The following SPTBN1 variants were observed in gnomAD, a reference collection of about 807,000 sequenced individuals.
SPTBN1 encodes spectrin beta chain, non-erythrocytic 1.
A neutral mutation model predicts 266.4 loss-of-function variants in SPTBN1; 32 were observed. The ratio of observed to expected loss-of-function variants is 0.12; its 90% CI spans 0.09 to 0.16. The LOEUF (loss-of-function observed/expected upper bound fraction) is 0.16, where lower values mean the gene tolerates loss of function less well. SPTBN1 is among the 10% of genes least tolerant of loss of function. The probability of loss-of-function intolerance (pLI) is 1.00; values close to 1 mark genes in which losing one functional copy is unlikely to be tolerated. For synonymous variants in SPTBN1, 1,336 were observed against 1,162.2 expected (o/e 1.15, Z -3.04); for missense variants, 2,296 against 3,067.1 (o/e 0.75, Z 5.94).
intron 1 of SPTBN1, among the ~76,000 whole-genome samples, chr2:54,496,716 C>T (rs1668990011): frequency 6.6e-6 from 1 of 152,156 alleles, no homozygotes; most frequent in African/African-American, 2.4e-5. Flanking sequence ...AACAAGCTAT[C>T]ACTTTGGAGA....
chr2:54,571,622 C>T (rs1439189200), intron 2 of SPTBN1, among the ~76,000 whole-genome samples: 8 of 151,538 alleles, frequency 5.3e-5, no homozygotes, highest in Non-Finnish European at 1.2e-4. Flanking sequence ...TAAAGGGCTT[C>T]TGGAAGCTGG....
chr2:54,574,249 G>A (rs1674300969), intron 2 of SPTBN1, among the ~76,000 whole-genome samples: 1 of 152,164 alleles, frequency 6.6e-6, no homozygotes, highest in Non-Finnish European at 1.5e-5. Flanking sequence ...TACAGATGAG[G>A]AAAGCAAGGC....
In SPTBN1 at chr2:54,538,897, C is replaced by G. The variant is rs573933450; in HGVS notation, c.148+12331C>G. On this transcript the variant is annotated intron_variant, in intron 2 of 35. Transcript: ENST00000356805. ...GCCATTTGCGGGTTCTCAGCCCTTC[C>G]CTGTGTTACATGTTTACCTATTGGT... Among the ~76,000 whole-genome samples, 48 of 152,290 alleles carry G rather than the reference C, an allele frequency of 3.2e-4. 1 individual carries two copies. The highest frequency in any genetic ancestry group is 1.0e-3 in the African/African-American group (43 of 41,562).
Position 54,631,059 on chromosome 2 carries a change from C to T in SPTBN1, c.3012C>T (p.Asp1004=), listed in dbSNP as rs1678698593. The T allele has an allele frequency of 6.2e-7, 1 of 1,614,020 alleles. No homozygotes were observed. The highest frequency in any genetic ancestry group is 1.3e-5 in the African/African-American group (1 of 75,076). The change falls in exon 16 of 36, where the codon GAC becomes GAT. Residue 1004 remains aspartate, a synonymous_variant. Coordinates refer to ENST00000356805, the MANE Select transcript of SPTBN1 (RefSeq NM_003128.3). ...LQRKLTGMER[D]LVAIEAKLSD... ...GCAAGCTGACCGGCATGGAGCGGGA[C>T]TTGGTGGCCATTGAGGCAAAGCTGA...
chr2:54,561,984 A>ACCAACAC (rs931420169), intron 2 of SPTBN1, among the ~76,000 whole-genome samples: 1 of 151,788 alleles, frequency 6.6e-6, no homozygotes, highest in Non-Finnish European at 1.5e-5. Context: ...AGCATTCACC[A>ACCAACAC]CCAACACCCA....
Position 54,668,706 on chromosome 2 carries a change from G to A in SPTBN1, c.*137G>A. On this transcript the variant is annotated 3_prime_UTR_variant, in exon 36 of 36. Coordinates refer to ENST00000356805, the MANE Select transcript of SPTBN1 (RefSeq NM_003128.3). ...TTTTTTTTTTTTTTTAATTTATAGA[G>A]CATTTCGGGGGGGGTGGGGGAAACA... is the stretch of plus-strand genomic sequence containing the variant. 1 of 470,482 alleles carries A rather than the reference G, an allele frequency of 2.1e-6. No homozygotes were observed. The highest frequency in any genetic ancestry group is 3.5e-6 in the Non-Finnish European group (1 of 284,076). 29.1% of individuals were successfully genotyped at this position (470,482 alleles called of 1,614,324 possible). A position where few individuals can be genotyped will look rare whatever the true frequency, so the allele number is the denominator to read the frequency against.
At chr2:54,473,507 T>TG (rs1483065988) in intron 1 of SPTBN1, among the ~76,000 whole-genome samples, 5 of 144,436 alleles carry the variant, frequency 3.5e-5, no homozygotes, top group South Asian at 4.4e-4. Context: ...AGTTTTGTTT[T>TG]TTTTTTAAGC....
At chr2:54,564,414 G>A (rs1029657049) in intron 2 of SPTBN1, among the ~76,000 whole-genome samples, 6 of 152,194 alleles carry the variant, frequency 3.9e-5, no homozygotes, top group East Asian at 3.9e-4. Context: ...CTGCTGCTTC[G>A]TCTGCTTTAG....
intron 17 of SPTBN1, among the ~76,000 whole-genome samples, chr2:54,634,479 C>T (rs1036867513): frequency 1.3e-5 from 2 of 152,162 alleles, no homozygotes; most frequent in Non-Finnish European, 2.9e-5. Context: ...AAGGAGGGAG[C>T]TTTCCGATGA....
At chr2:54,522,697 G>GGAGAGAGAGAGAGAGAGAA (rs1670542924) in intron 1 of SPTBN1, among the ~76,000 whole-genome samples, 1 of 97,270 alleles carries the variant, frequency 1.0e-5, no homozygotes, top group African/African-American at 4.1e-5. Flanking sequence ...GAGAGAGAGA[G>GGAGAGAGAGAGAGAGAGAA]AGAAAGAAAG....
chr2:54,459,132 ACT>A (rs1693226107), intron 1 of SPTBN1, among the ~76,000 whole-genome samples: 1 of 152,190 alleles, frequency 6.6e-6, no homozygotes, highest in Admixed American at 6.5e-5. Flanking sequence ...AGCTGTTCTG[ACT>A]TACACAGCAG....
rs1352934005 is a variant in SPTBN1, at chr2:54,566,436, C to CG, written c.149-32656_149-32655insG. Among the ~76,000 whole-genome samples, 5 of 152,146 alleles carry CG rather than the reference C, an allele frequency of 3.3e-5. 1 individual carries two copies. The highest frequency in any genetic ancestry group is 1.2e-4 in the African/African-American group (5 of 41,536). On this transcript the variant is annotated intron_variant, in intron 2 of 35. Coordinates refer to ENST00000356805, the MANE Select transcript of SPTBN1 (RefSeq NM_003128.3). ...CTCCTGACCTCAGGTGATCCACCCC[C>CG]CTTGGCCTCCCAAAGTCCTGGAATT...
intron 1 of SPTBN1, among the ~76,000 whole-genome samples, chr2:54,486,888 C>G (rs1447387732): frequency 6.6e-6 from 1 of 152,096 alleles, no homozygotes; most frequent in Non-Finnish European, 1.5e-5. Flanking sequence ...TCTTCTGATG[C>G]TTGTATTGAA....
chr2:54,643,882 C>T (rs1395464412), intron 19 of SPTBN1, among the ~76,000 whole-genome samples: 2 of 152,066 alleles, frequency 1.3e-5, no homozygotes, highest in African/African-American at 4.8e-5. Flanking sequence ...ATTGGGGAGG[C>T]TGAGGCACGA....
intron 1 of SPTBN1, among the ~76,000 whole-genome samples, chr2:54,462,185 C>T (rs890753995): frequency 2.0e-5 from 3 of 152,176 alleles, no homozygotes; most frequent in African/African-American, 4.8e-5. Context: ...GCACATAGTA[C>T]GTATTTAGTT....
intron 2 of SPTBN1, among the ~76,000 whole-genome samples, chr2:54,574,777 G>A (rs1331345085): frequency 6.6e-6 from 1 of 152,208 alleles, no homozygotes; most frequent in Non-Finnish European, 1.5e-5. Flanking sequence ...TGCCTGTGAT[G>A]TAGTTAGTTA....
chr2:54,526,250 C>G lies in SPTBN1; in HGVS notation c.-47-122C>G. 4.0e-6 allele frequency: 3 copies of G among 745,738 alleles called. No homozygotes were observed. The South Asian group carries it at 6.5e-5, about 16-fold the overall frequency. 46.2% of individuals were successfully genotyped at this position (745,738 alleles called of 1,614,324 possible). A position where few individuals can be genotyped will look rare whatever the true frequency, so the allele number is the denominator to read the frequency against. ...GTGCTAAAACCTAAAACCAGCATTG[C>G]TCCAGAAGACCTATTCTTGGCAAGC... On this transcript the variant is annotated intron_variant, in intron 1 of 35. Coordinates refer to ENST00000356805, the MANE Select transcript of SPTBN1 (RefSeq NM_003128.3).
intron 7 of SPTBN1, among the ~76,000 whole-genome samples, chr2:54,618,691 A>G (rs987841467): frequency 4.6e-5 from 7 of 152,118 alleles, no homozygotes; most frequent in Admixed American, 1.3e-4. Flanking sequence ...AGCAGGTTGG[A>G]TGGGGATGGG....
At chr2:54,622,576 A>C in intron 9 of SPTBN1, 89 bp downstream of exon 9, 466 of 1,442,512 alleles carry the variant, frequency 3.2e-4, no homozygotes, top group Middle Eastern at 5.4e-4. Flanking sequence ...CTGTAATCTC[A>C]TCTCTTAACT....
Sources: allele counts gnomAD v4.1 joint callset (sites outside exome capture counted in the v4.1 genomes callset), GRCh38; gene constraint gnomAD v4.1.1; transcripts MANE v1.5; gene names NCBI Gene and HGNC (gene_info 2026-07-23, HGNC 2026-07-21).